NOS1AP: variants seen among roughly 807,000 people sequenced by gnomAD.
The protein encoded by NOS1AP is nitric oxide synthase 1 adaptor protein.
Under a neutral mutation model 56.2 loss-of-function variants are expected in NOS1AP, and 21 were observed. That is an observed-to-expected ratio of 0.37 (90% CI 0.26 to 0.54). The LOEUF (loss-of-function observed/expected upper bound fraction) is 0.54, where lower values mean the gene tolerates loss of function less well. Among genes scored for constraint, NOS1AP ranks in the 20% least tolerant of loss-of-function variants. NOS1AP has a pLI of 0.84. For missense variants in NOS1AP, 522 were observed against 657.8 expected (o/e 0.79, Z 2.26); for synonymous variants, 270 against 274.6 (o/e 0.98, Z 0.17).
chr1:162,311,151 A>G, intron 4 of NOS1AP, among the ~76,000 whole-genome samples: 1 of 151,714 alleles, frequency 6.6e-6, no homozygotes, highest in Non-Finnish European at 1.5e-5. Flanking sequence ...GCTTTCCACC[A>G]CTTACTTCAC....
chr1:162,209,511 A>C (rs1313666233), intron 2 of NOS1AP, among the ~76,000 whole-genome samples: 1 of 152,230 alleles, frequency 6.6e-6, no homozygotes, highest in Non-Finnish European at 1.5e-5. Context: ...AGTGTCTATG[A>C]GGACTTGAAC....
intron 3 of NOS1AP, among the ~76,000 whole-genome samples, chr1:162,292,708 C>T (rs770399665): frequency 1.3e-5 from 2 of 152,220 alleles, no homozygotes; most frequent in Non-Finnish European, 2.9e-5. Flanking sequence ...GAGTCTTTAA[C>T]TCCTAACCTG....
chr1:162,168,232 A>G (rs1478414196), intron 2 of NOS1AP, among the ~76,000 whole-genome samples: 2 of 152,162 alleles, frequency 1.3e-5, no homozygotes, highest in African/African-American at 2.4e-5. Context: ...GGAGATCATC[A>G]CTAAATCACC....
Position 162,367,216 on chromosome 1 carries a change from T to A in NOS1AP, c.1270T>A (p.Cys424Ser). The change falls in exon 10 of 10, where the codon TGC becomes AGC. Residue 424 changes from cysteine to serine, a missense_variant. Physicochemically the swap from Cys to Ser is moderately radical, Grantham distance 112. Coordinates refer to ENST00000361897, the MANE Select transcript of NOS1AP (RefSeq NM_014697.3). The surrounding 1 kb of genome is among the most constrained non-coding windows in gnomAD (Gnocchi z 6.5). ...PAGSPLGRRD[C>S]LVKLECFRFL... The stretch of plus-strand genomic sequence containing the variant: ...GGGCAGCCCCTTAGGTAGGCGCGAC[T>A]GCTTGGTGAAGCTGGAGTGCTTTCG... 1.2e-6 allele frequency: 2 copies of A among 1,613,952 alleles called. No homozygotes were observed. Among genetic ancestry groups the A allele is most frequent in the East Asian group, 2.2e-5 (1 of 44,872 alleles).
Position 162,199,811 on chromosome 1 carries a change from G to T in NOS1AP, c.177+45335G>T, listed in dbSNP as rs7556422. Among the ~76,000 whole-genome samples, 508 of 152,290 alleles carry T rather than the reference G, an allele frequency of 3.3e-3. 3 individuals are homozygous for T. The highest frequency in any genetic ancestry group is 0.012 in the African/African-American group (480 of 41,560). On this transcript the variant is annotated intron_variant, in intron 2 of 9. Transcript: ENST00000361897. The stretch of plus-strand genomic sequence containing the variant: ...ACATAATTCTGGGTTTGAGGACCAC[G>T]CAGTGGACTGGCTTAATTGTTTGAT...
chr1:162,227,477 G>A (rs1652983063), intron 2 of NOS1AP, among the ~76,000 whole-genome samples: 1 of 152,194 alleles, frequency 6.6e-6, no homozygotes. Flanking sequence ...CACATGACAG[G>A]AGATCAGAAC....
chr1:162,180,434 C>G (rs1037526027), intron 2 of NOS1AP, among the ~76,000 whole-genome samples: 1 of 151,864 alleles, frequency 6.6e-6, no homozygotes, highest in Non-Finnish European at 1.5e-5. Flanking sequence ...TTAGTAGAGG[C>G]GCGCTTTCAC....
rs139018663 is a variant in NOS1AP at position 162,096,693 on chromosome 1, A to G, written c.105+26411A>G. On this transcript the variant is annotated intron_variant, in intron 1 of 9. Coordinates refer to ENST00000361897, the MANE Select transcript of NOS1AP (RefSeq NM_014697.3). ...ATGTTTTTACATTTTATTTAATGAT[A>G]TAATATGGTGCTTATTCTAAGTTTG... Among the ~76,000 whole-genome samples, 27 of 152,328 alleles carry G rather than the reference A, an allele frequency of 1.8e-4. No individual in the cohort carries two copies. The Middle Eastern group carries it at 0.017, about 96-fold the overall frequency.
chr1:162,249,552 C>A (rs1426594135), intron 2 of NOS1AP, among the ~76,000 whole-genome samples: 1 of 152,136 alleles, frequency 6.6e-6, no homozygotes, highest in African/African-American at 2.4e-5. Flanking sequence ...ATCATCCACA[C>A]CAAATAAGAA....
chr1:162,315,272 C>T (rs1299081997), intron 4 of NOS1AP, among the ~76,000 whole-genome samples: 2 of 152,214 alleles, frequency 1.3e-5, no homozygotes, highest in Admixed American at 1.3e-4. Context: ...TAGCCCCTGC[C>T]TGACAAACCT....
intron 3 of NOS1AP, among the ~76,000 whole-genome samples, chr1:162,289,699 T>C (rs1196970996): frequency 6.6e-6 from 1 of 152,024 alleles, no homozygotes; most frequent in South Asian, 2.1e-4. Context: ...GGTCTCGAAC[T>C]CCTGACCTCA....
intron 4 of NOS1AP, among the ~76,000 whole-genome samples, chr1:162,314,040 C>G (rs757959758): frequency 6.6e-6 from 1 of 152,156 alleles, no homozygotes; most frequent in African/African-American, 2.4e-5. Flanking sequence ...ACATACTTCA[C>G]GACAAAGCTG....
chr1:162,127,968 T>C (rs1258588455), intron 1 of NOS1AP, among the ~76,000 whole-genome samples: 2 of 152,124 alleles, frequency 1.3e-5, no homozygotes, highest in Non-Finnish European at 2.9e-5. Flanking sequence ...TTGCTTATGT[T>C]TTTTTTTGTT....
chr1:162,321,401 G>A (rs1177574358), intron 4 of NOS1AP, among the ~76,000 whole-genome samples: 2 of 152,144 alleles, frequency 1.3e-5, no homozygotes, highest in African/African-American at 2.4e-5. Context: ...AAAAAATGAT[G>A]AGTTCATGTC....
chr1:162,202,277 G>C (rs535593528), intron 2 of NOS1AP, among the ~76,000 whole-genome samples: 5 of 152,278 alleles, frequency 3.3e-5, no homozygotes, highest in African/African-American at 1.2e-4. Flanking sequence ...TTGAAGAATA[G>C]AGAATAATTT....
intron 2 of NOS1AP, among the ~76,000 whole-genome samples, chr1:162,181,063 G>A (rs1224664816): frequency 6.6e-6 from 1 of 152,224 alleles, no homozygotes; most frequent in African/African-American, 2.4e-5. Context: ...GTATTTCAAA[G>A]TGAAATTGCA....
intron 1 of NOS1AP, among the ~76,000 whole-genome samples, chr1:162,071,516 A>T (rs1691658881): frequency 6.6e-6 from 1 of 151,938 alleles, no homozygotes; most frequent in Non-Finnish European, 1.5e-5. Flanking sequence ...TTTCCCCCTG[A>T]ATAACCTTAT....
intron 1 of NOS1AP, among the ~76,000 whole-genome samples, chr1:162,139,902 A>G (rs10159401): frequency 0.69 from 105,394 of 151,740 alleles, 37,030 homozygotes; most frequent in Non-Finnish European, 0.73. Flanking sequence ...ATCTCGACTC[A>G]CTGCAACCTC....
chr1:162,274,478 G>A (rs1654679472), intron 2 of NOS1AP, among the ~76,000 whole-genome samples: 1 of 152,166 alleles, frequency 6.6e-6, no homozygotes, highest in South Asian at 2.1e-4. Context: ...TTTCTGTCAG[G>A]TGCATCTACC....
Sources: gnomAD v4.1 joint callset for allele counts (sites outside exome capture counted in the v4.1 genomes callset) on GRCh38, gnomAD v4.1.1 for gene constraint, Gnocchi (gnomAD v3.1) non-coding constraint, MANE v1.5 for transcripts, NCBI Gene and HGNC (gene_info 2026-07-23, HGNC 2026-07-21) for gene names.